Variants in MACROD2 observed in about 807,000 individuals in gnomAD.
MACROD2 encodes the protein ADP-ribose glycohydrolase MACROD2.
A neutral mutation model predicts 70.4 loss-of-function variants in MACROD2; 36 were observed. The observed-to-expected ratio is 0.51, with a 90% CI of 0.39 to 0.68. MACROD2 has a LOEUF of 0.68. Ranked by LOEUF, MACROD2 falls within the 30% of genes least tolerant of loss-of-function variation. The pLI is 0.00. For synonymous variants in MACROD2, 172 were observed against 178.8 expected, an observed-to-expected ratio of 0.96 and a Z score of 0.30; for missense variants, 496 against 538.4, an observed-to-expected ratio of 0.92 and a Z score of 0.78.
chr20:14,390,779 A>G (rs1217368348), intron 3 of MACROD2, among the ~76,000 whole-genome samples: 1 of 152,150 alleles, frequency 6.6e-6, no homozygotes, highest in African/African-American at 2.4e-5. Context: ...TGTACAAGAA[A>G]CAAACAGACA....
chr20:15,116,759 A>G (rs2075994717), intron 5 of MACROD2, among the ~76,000 whole-genome samples: 1 of 152,214 alleles, frequency 6.6e-6, no homozygotes, highest in Non-Finnish European at 1.5e-5. Context: ...TGTATACAGT[A>G]TGCATTAATT....
chr20:14,775,093 GTTTATA>G (rs1368774182), intron 5 of MACROD2, among the ~76,000 whole-genome samples: 1 of 151,950 alleles, frequency 6.6e-6, no homozygotes, highest in Non-Finnish European at 1.5e-5. Context: ...TAAATAAATT[GTTTATA>G]TTTGTGTTTG....
intron 5 of MACROD2, among the ~76,000 whole-genome samples, chr20:15,118,868 A>G (rs1040883): frequency 0.88 from 134,661 of 152,270 alleles, 59,720 homozygotes; most frequent in East Asian, 1. Context: ...AGAATTTGGC[A>G]TTGCACTTAT....
chr20:14,227,416 C>G (rs574404591), intron 3 of MACROD2, among the ~76,000 whole-genome samples: 1 of 152,300 alleles, frequency 6.6e-6, no homozygotes, highest in East Asian at 1.9e-4. Context: ...CCACAAAGGT[C>G]TGCAGCTTCA....
chr20:14,355,126 T>C (rs986943868), intron 3 of MACROD2, among the ~76,000 whole-genome samples: 2 of 152,218 alleles, frequency 1.3e-5, no homozygotes, highest in African/African-American at 4.8e-5. Flanking sequence ...CTTATAGATA[T>C]ATACCCAGCA....
At chr20:14,829,830 C>G (rs1600705361) in intron 5 of MACROD2, among the ~76,000 whole-genome samples, 2 of 152,174 alleles carry the variant, frequency 1.3e-5, no homozygotes, top group Non-Finnish European at 2.9e-5. Context: ...TGTCTACAGA[C>G]AAAATATCTT....
chr20:15,783,896 T>C (rs2051876797), intron 8 of MACROD2, among the ~76,000 whole-genome samples: 1 of 152,092 alleles, frequency 6.6e-6, no homozygotes, highest in East Asian at 1.9e-4. Context: ...AGACTCATGC[T>C]TTCTCTTCCC....
chr20:14,789,904 T>C (rs1357076818), intron 5 of MACROD2, among the ~76,000 whole-genome samples: 2 of 151,934 alleles, frequency 1.3e-5, no homozygotes, highest in African/African-American at 4.8e-5. Context: ...GTGCTCAAAA[T>C]TGAAAGAAAA....
Position 15,802,079 on chromosome 20 carries a change from C to T in MACROD2, c.646-60666C>T, listed in dbSNP as rs187662657. On this transcript the variant is annotated intron_variant, in intron 8 of 17. Coordinates refer to ENST00000684519, the MANE Select transcript of MACROD2 (RefSeq NM_001351661.2). ...CTGCAACTTTACTGAATTTGATTGT[C>T]GGATCTCAGAGTTTTTCAGTGAAAT... Among the ~76,000 whole-genome samples the T allele has an allele frequency of 1.0e-3, 159 of 152,120 alleles. 2 individuals carry two copies. Among genetic ancestry groups the T allele is most frequent in the African/African-American group, 3.7e-3 (153 of 41,474 alleles).
At chr20:15,655,177 A>C (rs1211941587) in intron 8 of MACROD2, among the ~76,000 whole-genome samples, 1 of 152,060 alleles carries the variant, frequency 6.6e-6, no homozygotes, top group Admixed American at 6.6e-5. Flanking sequence ...ACACATTCTC[A>C]AAAAGGGGGT....
At chr20:15,897,636 A>G (rs868813972) in intron 10 of MACROD2, among the ~76,000 whole-genome samples, 13 of 151,720 alleles carry the variant, frequency 8.6e-5, no homozygotes, top group Middle Eastern at 3.4e-3. Flanking sequence ...CTAATTTTCT[A>G]TTCAACTTTA....
At chr20:14,874,665 A>T (rs2073528524) in intron 5 of MACROD2, among the ~76,000 whole-genome samples, 1 of 149,532 alleles carries the variant, frequency 6.7e-6, no homozygotes. Flanking sequence ...ATGAACAAAA[A>T]AGGTTGTATT....
chr20:15,461,008 T>TATATATA (rs1568825308), intron 7 of MACROD2, among the ~76,000 whole-genome samples: 1 of 67,646 alleles, frequency 1.5e-5, no homozygotes, highest in African/African-American at 4.3e-5. Flanking sequence ...ATATATATAT[T>TATATATA]TTTTTTTAAT....
intron 6 of MACROD2, among the ~76,000 whole-genome samples, chr20:15,303,495 A>G (rs900919901): frequency 6.6e-5 from 10 of 152,166 alleles, no homozygotes; most frequent in African/African-American, 2.2e-4. Flanking sequence ...TCCCCTTTAC[A>G]ATGGCTCTTA....
chr20:14,988,495 T>A (rs966264177), intron 5 of MACROD2, among the ~76,000 whole-genome samples: 1 of 152,270 alleles, frequency 6.6e-6, no homozygotes, highest in East Asian at 1.9e-4. Context: ...CATTTGACTC[T>A]CTTACAGATT....
chr20:14,710,185 G>A (rs1371949103), intron 5 of MACROD2, among the ~76,000 whole-genome samples: 2 of 152,086 alleles, frequency 1.3e-5, no homozygotes, highest in East Asian at 1.9e-4. Context: ...AGGAGACCTC[G>A]AGTGGCCAAA....
intron 5 of MACROD2, among the ~76,000 whole-genome samples, chr20:15,032,206 C>A (rs1237069732): frequency 6.6e-6 from 1 of 152,180 alleles, no homozygotes; most frequent in Non-Finnish European, 1.5e-5. Context: ...TCCCAGGCCC[C>A]CAGGAGTACA....
chr20:14,090,322 C>A (rs2054130374), intron 3 of MACROD2, among the ~76,000 whole-genome samples: 1 of 151,706 alleles, frequency 6.6e-6, no homozygotes, highest in Non-Finnish European at 1.5e-5. Flanking sequence ...CACCTGTAAT[C>A]CCAGTACTTT....
At chr20:15,636,502 TG>T (rs1416198006) in intron 8 of MACROD2, among the ~76,000 whole-genome samples, 1 of 152,186 alleles carries the variant, frequency 6.6e-6, no homozygotes, top group Non-Finnish European at 1.5e-5. Context: ...GGGCAGTTAA[TG>T]GGTTCGGTTT....
Sources: allele counts gnomAD v4.1 joint callset (sites outside exome capture counted in the v4.1 genomes callset), GRCh38; gene constraint gnomAD v4.1.1; transcripts MANE v1.5; gene names NCBI Gene and HGNC (gene_info 2026-07-23, HGNC 2026-07-21).